SHTN1: variants seen among roughly 807,000 people sequenced by gnomAD.
SHTN1 encodes the protein shootin 1, also known as shootin-1.
A neutral mutation model predicts 83.1 loss-of-function variants in SHTN1; 42 were observed. That is an observed-to-expected ratio of 0.51 (90% confidence interval 0.39 to 0.65). The LOEUF is 0.65. Ranked by LOEUF, SHTN1 falls within the 30% of genes least tolerant of loss-of-function variation. The probability of loss-of-function intolerance (pLI) is 0.00; values close to 1 mark genes in which losing one functional copy is unlikely to be tolerated. For synonymous variants in SHTN1, 224 were observed against 247.7 expected (o/e 0.90, Z 0.90); for missense variants, 622 against 737.8 (o/e 0.84, Z 1.82).
At chr10:116,971,644 A>G (rs1270182440) in intron 2 of SHTN1, among the ~76,000 whole-genome samples, 2 of 152,190 alleles carry the variant, frequency 1.3e-5, no homozygotes, top group East Asian at 3.9e-4. Context: ...AAAGAAACCT[A>G]GTTTCCGACT....
At chr10:117,083,062 AT>A (rs1464622720) in intron 1 of SHTN1, among the ~76,000 whole-genome samples, 2 of 150,796 alleles carry the variant, frequency 1.3e-5, no homozygotes, top group Non-Finnish European at 3.0e-5. Flanking sequence ...TTATGTGTGA[AT>A]TTGATCCTGT....
At chr10:116,912,972 T>C (rs527837598) in intron 13 of SHTN1, among the ~76,000 whole-genome samples, 8 of 152,232 alleles carry the variant, frequency 5.3e-5, no homozygotes, top group Non-Finnish European at 1.2e-4. Context: ...TCAGCTCTCA[T>C]AGCGCAGATT....
chr10:117,018,565 A>G (rs1194393665), intron 2 of SHTN1, among the ~76,000 whole-genome samples: 9 of 105,114 alleles, frequency 8.6e-5, no homozygotes, highest in African/African-American at 2.4e-4. Flanking sequence ...GTCTGCTCTC[A>G]CCATTTTTTT....
intron 11 of SHTN1, 89 bp from the exon 12 acceptor site, chr10:116,921,605 T>C (rs1848569785): frequency 2.4e-6 from 2 of 826,624 alleles, no homozygotes; most frequent in South Asian, 3.4e-5. Context: ...GATAGGTGCA[T>C]GAATATATAA....
chr10:117,072,374 C>T (rs79752911), intron 1 of SHTN1, among the ~76,000 whole-genome samples: 2 of 152,106 alleles, frequency 1.3e-5, no homozygotes, highest in Non-Finnish European at 2.9e-5. Context: ...AGGCCCACAT[C>T]GTGAATTTTA....
intron 1 of SHTN1, among the ~76,000 whole-genome samples, chr10:117,087,079 G>A (rs1554937875): frequency 6.6e-6 from 1 of 152,194 alleles, no homozygotes; most frequent in Non-Finnish European, 1.5e-5. Context: ...AAATAGATTA[G>A]AGGTTACCAA....
At chr10:117,053,334 G>A (rs1852776026) in intron 1 of SHTN1, among the ~76,000 whole-genome samples, 1 of 152,022 alleles carries the variant, frequency 6.6e-6, no homozygotes, top group South Asian at 2.1e-4. Context: ...AAGACTCACA[G>A]AATGGGGGAA....
intron 2 of SHTN1, among the ~76,000 whole-genome samples, chr10:117,028,521 C>G (rs1466623462): frequency 6.6e-6 from 1 of 152,158 alleles, no homozygotes; most frequent in East Asian, 1.9e-4. Context: ...GGCACAGAGG[C>G]CTAGGATGAC....
intron 9 of SHTN1, among the ~76,000 whole-genome samples, chr10:116,939,176 G>A (rs1032153255): frequency 1.3e-5 from 2 of 152,162 alleles, no homozygotes; most frequent in East Asian, 1.9e-4. Context: ...GGAGTGAATG[G>A]TTCTGTGTTG....
At position 116,982,532 on chromosome 10, in the gene SHTN1, C is replaced by T. The variant is rs748382375; in HGVS notation, c.59-3224G>A. Among the ~76,000 whole-genome samples the T allele has an allele frequency of 1.1e-4, 16 of 152,154 alleles. No individual in the cohort carries two copies. In the East Asian group the frequency reaches 2.7e-3, roughly 26 times the overall value. ...ACTCAGCTCCTTTTTGGCAATGTTA[C>T]GGGGTCGCAGAGAAAGCTGCCTTTT... is the stretch of plus-strand genomic sequence containing the variant. On this transcript the variant is annotated intron_variant, in intron 1 of 16. Coordinates refer to ENST00000355371, the MANE Select transcript of SHTN1 (RefSeq NM_001127211.3).
chr10:117,008,465 G>C (rs1453416101), upstream of SHTN1, among the ~76,000 whole-genome samples: 1 of 152,042 alleles, frequency 6.6e-6, no homozygotes, highest in African/African-American at 2.4e-5. Context: ...GCTATTTAAT[G>C]TAATGTTAAT....
chr10:117,124,902 C>T (rs1190251272), intron 1 of SHTN1, among the ~76,000 whole-genome samples: 5 of 152,206 alleles, frequency 3.3e-5, no homozygotes, highest in Non-Finnish European at 7.3e-5. Context: ...AGTTTTCCTA[C>T]TATTGCTATA....
chr10:117,021,540 A>C (rs1852263895), intron 2 of SHTN1, among the ~76,000 whole-genome samples: 1 of 152,226 alleles, frequency 6.6e-6, no homozygotes, highest in South Asian at 2.1e-4. Context: ...TAAAACTATA[A>C]GTGTATAATT....
At chr10:117,065,136 T>C (rs755317438) in intron 1 of SHTN1, among the ~76,000 whole-genome samples, 5 of 151,978 alleles carry the variant, frequency 3.3e-5, no homozygotes, top group Non-Finnish European at 5.9e-5. Context: ...GAAGGGAACA[T>C]CACACACTGG....
At chr10:116,925,450 C>T (rs1029517433) in intron 11 of SHTN1, among the ~76,000 whole-genome samples, 4 of 152,190 alleles carry the variant, frequency 2.6e-5, no homozygotes, top group Non-Finnish European at 4.4e-5. Context: ...CATAGGTTCT[C>T]CCAGTTCTCA....
At chr10:117,050,898 A>G (rs1226841343) in intron 1 of SHTN1, among the ~76,000 whole-genome samples, 1 of 152,098 alleles carries the variant, frequency 6.6e-6, no homozygotes, top group Non-Finnish European at 1.5e-5. Context: ...ACAAAAAAAT[A>G]AAAATAAAAA....
chr10:116,919,751 T>C (rs1190428545), intron 12 of SHTN1, among the ~76,000 whole-genome samples: 1 of 152,202 alleles, frequency 6.6e-6, no homozygotes, highest in East Asian at 1.9e-4. Flanking sequence ...AAAGGCGGAA[T>C]TGCTTCAGAA....
chr10:117,072,037 T>C lies in SHTN1; in HGVS notation c.-188-23527A>G, dbSNP rs566909609. Among the ~76,000 whole-genome samples, 13 of 152,346 alleles carry C rather than the reference T, an allele frequency of 8.5e-5. No individual in the cohort carries two copies. In the South Asian group the frequency reaches 2.7e-3, roughly 32 times the overall value. On this transcript the variant is annotated intron_variant, in intron 1 of 17. Transcript: ENST00000392901. ...TGTTCCTGACAGGAAATTTGCAATT[T>C]GTACTTTACTGTGTATGTCAAGCTG...
intron 1 of SHTN1, among the ~76,000 whole-genome samples, chr10:117,099,004 A>ATG (rs1197654374): frequency 8.1e-6 from 1 of 123,342 alleles, no homozygotes; most frequent in African/African-American, 3.2e-5. Flanking sequence ...AAAATGTGGT[A>ATG]TGTATACACA....
Sources: allele counts gnomAD v4.1 joint callset (sites outside exome capture counted in the v4.1 genomes callset), GRCh38; gene constraint gnomAD v4.1.1; transcripts MANE v1.5; gene names NCBI Gene and HGNC (gene_info 2026-07-23, HGNC 2026-07-21).